The following PDE5A variants were observed in gnomAD, a reference collection of about 807,000 sequenced individuals.
PDE5A encodes phosphodiesterase 5A.
In PDE5A, 67 loss-of-function variants were observed where a neutral mutation model predicts 110.2. The ratio of observed to expected loss-of-function variants is 0.61; its 90% CI spans 0.50 to 0.75. PDE5A has a LOEUF of 0.75. PDE5A is among the 30% of genes least tolerant of loss of function. The pLI, the probability that PDE5A is intolerant of heterozygous loss-of-function variation, is 0.00. For synonymous variants in PDE5A, 328 were observed against 351.2 expected, an observed-to-expected ratio of 0.93 and a Z score of 0.74; for missense variants, 862 against 1,045.1, an observed-to-expected ratio of 0.82 and a Z score of 2.42.
In PDE5A at chr4:119,605,059, T is replaced by A. The variant is rs79138833; in HGVS notation, c.741+1650A>T. On this transcript the variant is annotated intron_variant, in intron 2 of 20. Transcript: ENST00000354960. ...CATTTTATGACTACTGTAAAATTAA[T>A]CCTTCCAAAGCACAATTTAAATCAT... Among the ~76,000 whole-genome samples the A allele has an allele frequency of 3.8e-3, 575 of 152,272 alleles. 6 individuals are homozygous for A. The highest frequency in any genetic ancestry group is 0.013 in the African/African-American group (553 of 41,568).
chr4:119,520,794 G>A (rs1420414315), intron 13 of PDE5A, 141 bp downstream of exon 13: 11 of 676,078 alleles, frequency 1.6e-5, no homozygotes, highest in East Asian at 9.1e-5. Context: ...TTTAATTAAC[G>A]AAATATAACT....
intron 1 of PDE5A, among the ~76,000 whole-genome samples, chr4:119,609,817 T>A (rs932535902): frequency 6.6e-5 from 10 of 152,210 alleles, no homozygotes; most frequent in African/African-American, 2.4e-4. Context: ...GCAATGCATA[T>A]GTAAACTACC....
intron 3 of PDE5A, chr4:119,569,699 G>A (rs527417285): frequency 6.5e-6 from 1 of 152,722 alleles, no homozygotes; most frequent in South Asian, 2.1e-4. Context: ...AAGTAATCTA[G>A]GGGTGTGCTC....
At position 119,507,666 on chromosome 4, in the gene PDE5A, A is replaced by G. The variant is rs1186611600; in HGVS notation, c.2127T>C (p.Tyr709=). Residue 709 remains tyrosine (Y), a synonymous_variant, in exon 16 of 21, where the codon TAT becomes TAC. Coordinates refer to ENST00000354960, the MANE Select transcript of PDE5A (RefSeq NM_001083.4). ...QILSGLSIEE[Y]KTTLKIIKQA... ...GCTTGATTATTTTCAACGTGGTCTT[A>G]TATTCTTCAATGGAGAGGCCACTGA... 1 of 1,589,166 alleles carries G rather than the reference A, an allele frequency of 6.3e-7. No homozygotes were observed. The highest frequency in any genetic ancestry group is 1.9e-5 in the Admixed American group (1 of 53,132).
intron 1 of PDE5A, among the ~76,000 whole-genome samples, chr4:119,617,444 G>T (rs1729981521): frequency 6.6e-6 from 1 of 152,124 alleles, no homozygotes; most frequent in African/African-American, 2.4e-5. Context: ...TTCTACCAAA[G>T]TGGAACTGCT....
At chr4:119,501,338 T>C in intron 19 of PDE5A, 85 bp from the exon 20 acceptor site, 9 of 789,150 alleles carry the variant, frequency 1.1e-5, no homozygotes, top group Non-Finnish European at 1.9e-5. Context: ...TGAGATGGAG[T>C]CTCACTCTGT....
chr4:119,569,305 G>T (rs1728058062), intron 3 of PDE5A, among the ~76,000 whole-genome samples: 1 of 152,042 alleles, frequency 6.6e-6, no homozygotes, highest in African/African-American at 2.4e-5. Flanking sequence ...CTCCCAAAGT[G>T]CTGGGATTAC....
chr4:119,592,233 A>G (rs372651373), intron 3 of PDE5A, among the ~76,000 whole-genome samples: 1 of 148,570 alleles, frequency 6.7e-6, no homozygotes, highest in East Asian at 2.0e-4. Flanking sequence ...AGGTGGGCGG[A>G]TCACAAGGTC....
At chr4:119,566,812 G>A (rs914777240) in intron 4 of PDE5A, among the ~76,000 whole-genome samples, 2 of 152,186 alleles carry the variant, frequency 1.3e-5, no homozygotes, top group African/African-American at 4.8e-5. Flanking sequence ...CCCTCTGTGT[G>A]GCCCCAACAT....
At chr4:119,546,806 T>C (rs1019116338) in intron 9 of PDE5A, among the ~76,000 whole-genome samples, 4 of 152,244 alleles carry the variant, frequency 2.6e-5, no homozygotes, top group Admixed American at 2.6e-4. Context: ...ATAGATGACA[T>C]ATATTTCTGG....
intron 10 of PDE5A, chr4:119,539,241 ACT>A: frequency 2.2e-6 from 1 of 455,844 alleles, no homozygotes; most frequent in South Asian, 4.7e-5. Context: ...TTTAAAGAAA[ACT>A]CTTGTAACTT....
chr4:119,503,097 C>A (rs1178067296), intron 18 of PDE5A, among the ~76,000 whole-genome samples: 2 of 151,996 alleles, frequency 1.3e-5, no homozygotes, highest in African/African-American at 2.4e-5. Context: ...GTGCTTATGG[C>A]GTGTTGGCTT....
At chr4:119,555,536 T>G (rs1445716485) in intron 7 of PDE5A, among the ~76,000 whole-genome samples, 1 of 151,902 alleles carries the variant, frequency 6.6e-6, no homozygotes, top group Non-Finnish European at 1.5e-5. Flanking sequence ...AGAAGAAAAA[T>G]GAAAAGGTGA....
chr4:119,548,269 C>T (rs1449696615), intron 9 of PDE5A: 2 of 151,842 alleles, frequency 1.3e-5, no homozygotes, highest in East Asian at 1.9e-4. Context: ...AAGATGGTCT[C>T]GATCTCCTGA....
intron 8 of PDE5A, among the ~76,000 whole-genome samples, chr4:119,553,327 A>AT (rs1191937387): frequency 2.6e-5 from 4 of 152,150 alleles, no homozygotes; most frequent in Admixed American, 2.6e-4. Flanking sequence ...AAATAAGGCA[A>AT]AAACTCTAGC....
In PDE5A at chr4:119,563,102, C is replaced by T. The variant is rs41278067; in HGVS notation, c.994-132G>A. Reference sequence around the variant, plus strand: ...TCAAGTCTGCATTCAAATATAAATACGTCTCCACTTATTAACAAAATCCTT... The same window carrying T: ...TCAAGTCTGCATTCAAATATAAATATGTCTCCACTTATTAACAAAATCCTT... On this transcript the variant is annotated intron_variant, in intron 5 of 20. Coordinates refer to ENST00000354960, the MANE Select transcript of PDE5A (RefSeq NM_001083.4). The T allele has an allele frequency of 1.6e-3, 991 of 608,306 alleles. 3 individuals are homozygous for T. The highest frequency in any genetic ancestry group is 2.2e-3 in the Non-Finnish European group (816 of 376,678). The allele number at this position is 608,306 out of a possible 1,614,324, so 37.7% of individuals were successfully genotyped here. A position where few individuals can be genotyped will look rare whatever the true frequency, so the allele number is the denominator to read the frequency against.
At chr4:119,579,957 A>G (rs1728527323) in intron 3 of PDE5A, among the ~76,000 whole-genome samples, 1 of 152,168 alleles carries the variant, frequency 6.6e-6, no homozygotes, top group South Asian at 2.1e-4. Flanking sequence ...CCAAGTTCCC[A>G]GCTGTCTGGG....
intron 9 of PDE5A, among the ~76,000 whole-genome samples, chr4:119,547,305 C>T (rs1318136766): frequency 6.6e-6 from 1 of 151,726 alleles, no homozygotes; most frequent in Admixed American, 6.6e-5. Context: ...TACATTCCCT[C>T]TCTCATTACT....
chr4:119,501,077 A>C, intron 20 of PDE5A, 93 bp downstream of exon 20: 1 of 740,496 alleles, frequency 1.4e-6, no homozygotes, highest in Non-Finnish European at 2.3e-6. Flanking sequence ...ATTTAGAAGC[A>C]AAATATAGGC....
Sources: gnomAD v4.1 joint callset for allele counts (sites outside exome capture counted in the v4.1 genomes callset) on GRCh38, gnomAD v4.1.1 for gene constraint, MANE v1.5 for transcripts, NCBI Gene and HGNC (gene_info 2026-07-23, HGNC 2026-07-21) for gene names.